FAM184B: variants seen among roughly 807,000 people sequenced by gnomAD.
FAM184B encodes protein FAM184B.
A neutral mutation model predicts 135.9 loss-of-function variants in FAM184B; 111 were observed. That is an observed-to-expected ratio of 0.82 (90% confidence interval 0.70 to 0.96). FAM184B has a LOEUF of 0.96. FAM184B is among the 40% of genes least tolerant of loss of function. The pLI is 0.00. For synonymous variants in FAM184B, 552 were observed against 524.8 expected (o/e 1.05, Z -0.71); for missense variants, 1,375 against 1,323.9 (o/e 1.04, Z -0.60).
chr4:17,747,738 G>A (rs1448570623), intron 1 of FAM184B, among the ~76,000 whole-genome samples: 3 of 151,764 alleles, frequency 2.0e-5, no homozygotes, highest in Non-Finnish European at 4.4e-5. Flanking sequence ...TGGCTAACAC[G>A]ATGAAACCCC....
chr4:17,708,918 C>T lies in FAM184B; in HGVS notation c.868G>A (p.Ala290Thr), dbSNP rs1364730263. 3 of 1,530,452 alleles carry T rather than the reference C, an allele frequency of 2.0e-6. No individual in the cohort carries two copies. Among genetic ancestry groups the T allele is most frequent in the South Asian group, 1.2e-5 (1 of 80,232 alleles). The allele number at this position is 1,530,452 out of a possible 1,614,324, so 94.8% of individuals were successfully genotyped here. A position where few individuals can be genotyped will look rare whatever the true frequency, so the allele number is the denominator to read the frequency against. ...TGAATCCTCTCCTTCAGCTTCTGGG[C>T]GTACTTCTTCAGGTCACTTATCTTG... is the stretch of plus-strand genomic sequence containing the variant. ...GRKISDLKKY[A>T]QKLKERIQDL... Residue 290 changes from alanine to threonine, a missense_variant, in exon 2 of 18, where the codon GCC (alanine) becomes ACC (threonine). Coordinates refer to ENST00000265018, the MANE Select transcript of FAM184B (RefSeq NM_015688.2).
At chr4:17,744,463 ACACACACACACACACACACACACACAC>A (rs1718113314) in intron 1 of FAM184B, among the ~76,000 whole-genome samples, 1 of 136,512 alleles carries the variant, frequency 7.3e-6, no homozygotes, top group Non-Finnish European at 1.5e-5. Context: ...TCTCTCTCTC[ACACACACACACACACACACACACACAC>A]CACACACACA....
chr4:17,738,521 A>G (rs115482875), intron 1 of FAM184B, among the ~76,000 whole-genome samples: 1 of 152,162 alleles, frequency 6.6e-6, no homozygotes, highest in African/African-American at 2.4e-5. Flanking sequence ...AGTAATATTC[A>G]TAAGTATAAT....
Position 17,744,490 on chromosome 4 carries a change from C to A in FAM184B, c.142-34846G>T, listed in dbSNP as rs866106536. Among the ~76,000 whole-genome samples, 84 of 137,474 alleles carry A rather than the reference C, an allele frequency of 6.1e-4. No individual in the cohort carries two copies. The East Asian group carries it at 0.011, about 18-fold the overall frequency. 90.2% of individuals were successfully genotyped at this position (137,474 alleles called of 152,430 possible). A position where few individuals can be genotyped will look rare whatever the true frequency, so the allele number is the denominator to read the frequency against. On this transcript the variant is annotated intron_variant, in intron 1 of 17. Coordinates refer to ENST00000265018, the MANE Select transcript of FAM184B (RefSeq NM_015688.2). Reference sequence around the variant, plus strand: ...ACACACACACACACACACACACACACCACACACACACACACACACACACAC... The same window carrying A: ...ACACACACACACACACACACACACAACACACACACACACACACACACACAC...
chr4:17,654,353 T>C (rs1192914796), intron 10 of FAM184B, among the ~76,000 whole-genome samples: 1 of 152,106 alleles, frequency 6.6e-6, no homozygotes, highest in Non-Finnish European at 1.5e-5. Context: ...TTAAACTCTT[T>C]TTTATATATA....
chr4:17,705,674 T>C (rs560923538), intron 4 of FAM184B, 78 bp downstream of exon 4: 1 of 1,495,586 alleles, frequency 6.7e-7, no homozygotes, highest in South Asian at 1.3e-5. Flanking sequence ...GCTTGGGGAC[T>C]GGCCTCTACC....
At chr4:17,678,279 C>T (rs1219099289) in intron 7 of FAM184B, among the ~76,000 whole-genome samples, 4 of 152,134 alleles carry the variant, frequency 2.6e-5, no homozygotes, top group Admixed American at 6.6e-5. Flanking sequence ...ACCCTAAAGA[C>T]TCCTCCAAAA....
intron 7 of FAM184B, among the ~76,000 whole-genome samples, chr4:17,687,231 T>C (rs1186625861): frequency 1.3e-5 from 2 of 152,122 alleles, no homozygotes; most frequent in African/African-American, 2.4e-5. Context: ...GTGAGACTGA[T>C]GTGGTAAGAT....
At chr4:17,705,704 C>T in intron 4 of FAM184B, 48 bp downstream of exon 4, 1 of 1,547,068 alleles carries the variant, frequency 6.5e-7, no homozygotes, top group Middle Eastern at 1.9e-4. Flanking sequence ...TAATAGATAG[C>T]AAAGCTCTCT....
At chr4:17,667,327 G>A (rs1306421143) in intron 7 of FAM184B, among the ~76,000 whole-genome samples, 1 of 152,186 alleles carries the variant, frequency 6.6e-6, no homozygotes, top group Non-Finnish European at 1.5e-5. Flanking sequence ...AATCCCCTGG[G>A]CATGTGGCTG....
In FAM184B at chr4:17,633,987, C is replaced by T. The variant is rs16895358; in HGVS notation, c.2890-99G>A. ...AATGCTCACCCAATCAAAATTGTAT[C>T]GGAGAAGAAGCAACAATTTCATTTA... On this transcript the variant is annotated intron_variant, in intron 16 of 17. Transcript: ENST00000265018. 3.8e-3 allele frequency: 3,632 copies of T among 960,290 alleles called. 117 individuals carry two copies. In the African/African-American group the frequency reaches 0.056, roughly 15 times the overall value. 59.5% of individuals were successfully genotyped at this position (960,290 alleles called of 1,614,324 possible).
At chr4:17,634,669 T>C (rs563112987) in intron 16 of FAM184B, among the ~76,000 whole-genome samples, 1 of 152,206 alleles carries the variant, frequency 6.6e-6, no homozygotes, top group Non-Finnish European at 1.5e-5. Context: ...TGATAGTAGA[T>C]AATTGAATGT....
intron 7 of FAM184B, among the ~76,000 whole-genome samples, chr4:17,685,917 G>A (rs996348385): frequency 1.4e-4 from 21 of 152,120 alleles, no homozygotes; most frequent in African/African-American, 5.1e-4. Context: ...CATCAGCCCT[G>A]GAACATACCT....
intron 14 of FAM184B, 27 bp from the exon 15 acceptor site, chr4:17,636,672 TC>T: frequency 6.7e-7 from 1 of 1,503,024 alleles, no homozygotes. Context: ...TGCAGTCAAG[TC>T]CCCCTTACAG....
intron 7 of FAM184B, among the ~76,000 whole-genome samples, chr4:17,687,536 T>G (rs1716615891): frequency 6.6e-6 from 1 of 152,182 alleles, no homozygotes; most frequent in African/African-American, 2.4e-5. Context: ...GAATGTGATC[T>G]TATTTGGAAA....
At chr4:17,728,134 C>A (rs1364626384) in intron 1 of FAM184B, among the ~76,000 whole-genome samples, 1 of 151,914 alleles carries the variant, frequency 6.6e-6, no homozygotes, top group African/African-American at 2.4e-5. Context: ...AAAAAATTAT[C>A]CAGGAATTAT....
intron 12 of FAM184B, among the ~76,000 whole-genome samples, chr4:17,646,189 G>A (rs1715462230): frequency 1.3e-5 from 2 of 152,080 alleles, no homozygotes; most frequent in Non-Finnish European, 2.9e-5. Context: ...CAAGGATCTA[G>A]AACTAGAAAT....
At chr4:17,779,116 A>G (rs546788185) in intron 1 of FAM184B, among the ~76,000 whole-genome samples, 58 of 152,330 alleles carry the variant, frequency 3.8e-4, no homozygotes, top group African/African-American at 1.3e-3. Context: ...ATCTGATAGA[A>G]GGCAAGAATG....
At chr4:17,756,202 A>G (rs1718416235) in intron 1 of FAM184B, among the ~76,000 whole-genome samples, 1 of 152,196 alleles carries the variant, frequency 6.6e-6, no homozygotes, top group Non-Finnish European at 1.5e-5. Context: ...CCAGATCTAG[A>G]GCAGGAAACA....
Sources: gnomAD v4.1 joint callset for allele counts (sites outside exome capture counted in the v4.1 genomes callset) on GRCh38, gnomAD v4.1.1 for gene constraint, MANE v1.5 for transcripts, NCBI Gene and HGNC (gene_info 2026-07-23, HGNC 2026-07-21) for gene names.